The following CLDN22 variants were observed in gnomAD, a reference collection of about 807,000 sequenced individuals.
CLDN22 encodes claudin 22.
For synonymous variants in CLDN22, 86 were observed against 107.9 expected (o/e 0.80, Z 1.26); for missense variants, 227 against 252.2 (o/e 0.90, Z 0.68).
At position 183,319,462 on chromosome 4, in the gene CLDN22, T is replaced by C. The variant is rs1739558328; in HGVS notation, c.*94A>G. ...ACAGGAAAAGATGCATTTTCAAAAA[T>C]CAAAAGCACAGTGAGATGACTAGAG... On this transcript the variant is annotated 3_prime_UTR_variant, in exon 1 of 1. Transcript: ENST00000323319. 4 of 1,309,446 alleles carry C rather than the reference T, an allele frequency of 3.1e-6. No homozygotes were observed. The highest frequency in any genetic ancestry group is 1.5e-5 in the African/African-American group (1 of 67,484). 81.1% of individuals were successfully genotyped at this position (1,309,446 alleles called of 1,614,324 possible). A position where few individuals can be genotyped will look rare whatever the true frequency, so the allele number is the denominator to read the frequency against.
rs1411658146 is a variant in CLDN22 at position 183,318,146 on chromosome 4, A to G, written c.*1410T>C. 1 of 152,484 alleles carries G rather than the reference A, an allele frequency of 6.6e-6. No individual in the cohort carries two copies. The highest frequency in any genetic ancestry group is 2.4e-5 in the African/African-American group (1 of 41,436). The allele number at this position is 152,484 out of a possible 1,614,324, so 9.4% of individuals were successfully genotyped here. The stretch of plus-strand genomic sequence containing the variant: ...ATTCGCACAGGGTAAAAAGAATGTA[A>G]TATTTAGTTCTCAAGTTTGAATTAT... On this transcript the variant is annotated 3_prime_UTR_variant, in exon 1 of 1. Coordinates refer to ENST00000323319, the MANE Select transcript of CLDN22 (RefSeq NM_001111319.3).
chr4:183,320,005 C>T lies in CLDN22; in HGVS notation c.214G>A (p.Ala72Thr). 2 of 1,613,910 alleles carry T rather than the reference C, an allele frequency of 1.2e-6. No individual in the cohort carries two copies. The highest frequency in any genetic ancestry group is 1.7e-6 in the Non-Finnish European group (2 of 1,179,854). The change falls in exon 1 of 1, where the codon GCT (alanine) becomes ACT (threonine). Residue 72 changes from alanine (A) to threonine (T), a missense_variant. Physicochemically the swap from Ala to Thr is moderately conservative, Grantham distance 58. Transcript: ENST00000323319. ...MQCKDFDSFL[A>T]LPAELRVSRI... ...GAGACCCTGAGTTCAGCAGGCAAAG[C>T]CAGGAAGGAGTCAAAGTCCTTGCAT...
Position 183,319,682 on chromosome 4 carries a change from T to C in CLDN22, c.537A>G (p.Gly179=), listed in dbSNP as rs1166061034. ...GWFAGLSLLL[G]GCLLHCAACS... is the part of the protein sequence containing the mutation. ...AGGCTGCACAGTGGAGCAGACACCC[T>C]CCTAGCAGAAGAGAAAGTCCAGCAA... The change falls in exon 1 of 1, where the codon GGA becomes GGG. Residue 179 remains glycine (G), a synonymous_variant. Coordinates refer to ENST00000323319, the MANE Select transcript of CLDN22 (RefSeq NM_001111319.3). 4 of 1,614,038 alleles carry C rather than the reference T, an allele frequency of 2.5e-6. No homozygotes were observed. The highest frequency in any genetic ancestry group is 1.7e-6 in the Non-Finnish European group (2 of 1,180,004).
chr4:183,318,312 A>G lies in CLDN22; in HGVS notation c.*1244T>C, dbSNP rs940323013. 6.6e-6 allele frequency: 1 copy of G among 152,602 alleles called. No homozygotes were observed. Among genetic ancestry groups the G allele is most frequent in the African/African-American group, 2.4e-5 (1 of 41,446 alleles). The allele number at this position is 152,602 out of a possible 1,614,324, so 9.5% of individuals were successfully genotyped here. ...AATTAAAATTTTTTGCTATTGCTTTATCTATATTGTCTTAAATATCAAAAG... is the reference window on the plus strand; with the variant it reads ...AATTAAAATTTTTTGCTATTGCTTTGTCTATATTGTCTTAAATATCAAAAG... On this transcript the variant is annotated 3_prime_UTR_variant, in exon 1 of 1. Transcript: ENST00000323319.
chr4:183,319,378 T>C lies in CLDN22; in HGVS notation c.*178A>G. 1 of 690,504 alleles carries C rather than the reference T, an allele frequency of 1.4e-6. No homozygotes were observed. The highest frequency in any genetic ancestry group is 2.4e-6 in the Non-Finnish European group (1 of 413,764). 42.8% of individuals were successfully genotyped at this position (690,504 alleles called of 1,614,324 possible). A position where few individuals can be genotyped will look rare whatever the true frequency, so the allele number is the denominator to read the frequency against. The stretch of plus-strand genomic sequence containing the variant: ...TATTCAGTCTTGATTGATTTTGGTC[T>C]CAGACTAGAAGATAAAAATGGTTTA... On this transcript the variant is annotated 3_prime_UTR_variant, in exon 1 of 1. Transcript: ENST00000323319.
In CLDN22 at chr4:183,319,771, C is replaced by T; in HGVS notation, c.448G>A (p.Asp150Asn). ...VAHKTVQEFW[D>N]ENVPDFVPRW... ...GGGACAAAGTCTGGGACGTTCTCAT[C>T]CCAGAACTCCTGAACCGTCTTGTGG... Residue 150 changes from aspartate (D) to asparagine (N), a missense_variant, in exon 1 of 1, where the codon GAT becomes AAT. Coordinates refer to ENST00000323319, the MANE Select transcript of CLDN22 (RefSeq NM_001111319.3). 1 of 1,614,056 alleles carries T rather than the reference C, an allele frequency of 6.2e-7. No homozygotes were observed. Among genetic ancestry groups the T allele is most frequent in the Non-Finnish European group, 8.5e-7 (1 of 1,179,960 alleles).
rs1331815758 is a variant in CLDN22 at position 183,318,290 on chromosome 4, T to C, written c.*1266A>G. 1 of 152,628 alleles carries C rather than the reference T, an allele frequency of 6.6e-6. No homozygotes were observed. The highest frequency in any genetic ancestry group is 1.5e-5 in the Non-Finnish European group (1 of 68,028). The allele number at this position is 152,628 out of a possible 1,614,324, so 9.5% of individuals were successfully genotyped here. A position where few individuals can be genotyped will look rare whatever the true frequency, so the allele number is the denominator to read the frequency against. On this transcript the variant is annotated 3_prime_UTR_variant, in exon 1 of 1. Coordinates refer to ENST00000323319, the MANE Select transcript of CLDN22 (RefSeq NM_001111319.3). Reference sequence around the variant, plus strand: ...TCTGTAGCATGCAAATCAAATAAATTAAAATTTTTTGCTATTGCTTTATCT... The same window carrying C: ...TCTGTAGCATGCAAATCAAATAAATCAAAATTTTTTGCTATTGCTTTATCT...
chr4:183,319,507 C>T lies in CLDN22; in HGVS notation c.*49G>A, dbSNP rs371516258. On this transcript the variant is annotated 3_prime_UTR_variant, in exon 1 of 1. Coordinates refer to ENST00000323319, the MANE Select transcript of CLDN22 (RefSeq NM_001111319.3). Reference sequence around the variant, plus strand: ...CTAGAGCGGGACATCCTACCAAATCCAGTGTTGAGCAAGCGTCTCCTGAAC... The same window carrying T: ...CTAGAGCGGGACATCCTACCAAATCTAGTGTTGAGCAAGCGTCTCCTGAAC... The T allele has an allele frequency of 2.6e-6, 4 of 1,521,176 alleles. No individual in the cohort carries two copies. The highest frequency in any genetic ancestry group is 3.5e-6 in the Non-Finnish European group (4 of 1,130,742). 94.2% of individuals were successfully genotyped at this position (1,521,176 alleles called of 1,614,324 possible).
rs1553982726 is a variant in CLDN22, at chr4:183,318,487, G to GA, written c.*1068_*1069insT. 3 of 149,842 alleles carry GA rather than the reference G, an allele frequency of 2.0e-5. No individual in the cohort carries two copies. The highest frequency in any genetic ancestry group is 7.4e-5 in the African/African-American group (3 of 40,636). 9.3% of individuals were successfully genotyped at this position (149,842 alleles called of 1,614,324 possible). A position where few individuals can be genotyped will look rare whatever the true frequency, so the allele number is the denominator to read the frequency against. On this transcript the variant is annotated 3_prime_UTR_variant, in exon 1 of 1. Transcript: ENST00000323319. ...TTTGTGGGTGGAAAAAAATTCAGTG[G>GA]TTTTTTTTAAAAAAAAAAGCAAAAA...
In CLDN22 at chr4:183,319,469, C is replaced by T; in HGVS notation, c.*87G>A. On this transcript the variant is annotated 3_prime_UTR_variant, in exon 1 of 1. Coordinates refer to ENST00000323319, the MANE Select transcript of CLDN22 (RefSeq NM_001111319.3). ...AAGATGCATTTTCAAAAATCAAAAGCACAGTGAGATGACTAGAGCGGGACA... is the reference window on the plus strand; with the variant it reads ...AAGATGCATTTTCAAAAATCAAAAGTACAGTGAGATGACTAGAGCGGGACA... The T allele has an allele frequency of 7.5e-7, 1 of 1,337,414 alleles. No individual in the cohort carries two copies. Among genetic ancestry groups the T allele is most frequent in the Non-Finnish European group, 1.0e-6 (1 of 974,102 alleles). 82.8% of individuals were successfully genotyped at this position (1,337,414 alleles called of 1,614,324 possible).
rs1378870991 is a variant in CLDN22 at position 183,318,822 on chromosome 4, T to C, written c.*734A>G. 2 of 152,232 alleles carry C rather than the reference T, an allele frequency of 1.3e-5. No individual in the cohort carries two copies. The highest frequency in any genetic ancestry group is 1.5e-5 in the Non-Finnish European group (1 of 68,068). The allele number at this position is 152,232 out of a possible 1,614,324, so 9.4% of individuals were successfully genotyped here. On this transcript the variant is annotated 3_prime_UTR_variant, in exon 1 of 1. Transcript: ENST00000323319. ...GAGAGGCAGCCGTCCCAGGAGGTTATCTACCCACACACCCCAGTCCTGCCC... is the reference window on the plus strand; with the variant it reads ...GAGAGGCAGCCGTCCCAGGAGGTTACCTACCCACACACCCCAGTCCTGCCC...
Position 183,319,546 on chromosome 4 carries a change from C to T in CLDN22, c.*10G>A, listed in dbSNP as rs1353221561. The T allele has an allele frequency of 1.2e-6, 2 of 1,601,300 alleles. No homozygotes were observed. The highest frequency in any genetic ancestry group is 3.4e-5 in the Admixed American group (2 of 58,600). On this transcript the variant is annotated 3_prime_UTR_variant, in exon 1 of 1. Transcript: ENST00000323319. ...CGTCTCCTGAACAGCAGACGCTTGT[C>T]CTTTCTGGCTTAGTGTTTCAGGTTG...
Position 183,319,237 on chromosome 4 carries a change from G to A in CLDN22, c.*319C>T, listed in dbSNP as rs566734721. ...AGTAAATGATTTGCCAAATGATTCC[G>A]CTCCATATGAATAATACCTTCAAAG... On this transcript the variant is annotated 3_prime_UTR_variant, in exon 1 of 1. Coordinates refer to ENST00000323319, the MANE Select transcript of CLDN22 (RefSeq NM_001111319.3). 1.4e-5 allele frequency: 3 copies of A among 212,910 alleles called. No homozygotes were observed. The highest frequency in any genetic ancestry group is 2.8e-5 in the Non-Finnish European group (3 of 106,472). The allele number at this position is 212,910 out of a possible 1,614,324, so 13.2% of individuals were successfully genotyped here.
At position 183,320,206 on chromosome 4, in the gene CLDN22, A is replaced by G. The variant is rs1221419096; in HGVS notation, c.13T>C (p.Phe5Leu). The change falls in exon 1 of 1, where the codon TTT becomes CTT. Residue 5 changes from phenylalanine (F) to leucine (L), a missense_variant. By Grantham distance (22) the Phe-to-Leu change is conservative. Coordinates refer to ENST00000323319, the MANE Select transcript of CLDN22 (RefSeq NM_001111319.3). The part of the protein sequence containing the change: MALV[F>L]RTVAQLAGVS... ...CCAGCTAGTTGAGCTACAGTTCTAA[A>G]TACTAAAGCCATTATAATGTCCTGA... 3.7e-6 allele frequency: 6 copies of G among 1,613,456 alleles called. No individual in the cohort carries two copies. The highest frequency in any genetic ancestry group is 2.2e-5 in the East Asian group (1 of 44,888).
At position 183,319,780 on chromosome 4, in the gene CLDN22, C is replaced by T. The variant is rs549983643; in HGVS notation, c.439G>A (p.Glu147Lys). 6.2e-7 allele frequency: 1 copy of T among 1,614,050 alleles called. No individual in the cohort carries two copies. The highest frequency in any genetic ancestry group is 8.5e-7 in the Non-Finnish European group (1 of 1,179,960). Residue 147 changes from glutamate (E) to lysine (K), a missense_variant, in exon 1 of 1, where the codon GAG (glutamate) becomes AAG (lysine). By Grantham distance (56) the Glu-to-Lys change is moderately conservative (BLOSUM62 1). Coordinates refer to ENST00000323319, the MANE Select transcript of CLDN22 (RefSeq NM_001111319.3). ...TCTGGGACGTTCTCATCCCAGAACT[C>T]CTGAACCGTCTTGTGGGCAACCCAA... ...VSWVAHKTVQ[E>K]FWDENVPDFV...
In CLDN22 at chr4:183,319,412, G is replaced by A. The variant is rs770878452; in HGVS notation, c.*144C>T. On this transcript the variant is annotated 3_prime_UTR_variant, in exon 1 of 1. Coordinates refer to ENST00000323319, the MANE Select transcript of CLDN22 (RefSeq NM_001111319.3). ...AAGATAAAAATGGTTTACCAGTCTT[G>A]GAAAGAAACTATAGTTTAATAGCCA... 2 of 919,404 alleles carry A rather than the reference G, an allele frequency of 2.2e-6. No homozygotes were observed. The highest frequency in any genetic ancestry group is 2.5e-5 in the Admixed American group (1 of 40,754). 57.0% of individuals were successfully genotyped at this position (919,404 alleles called of 1,614,324 possible). A position where few individuals can be genotyped will look rare whatever the true frequency, so the allele number is the denominator to read the frequency against.
Position 183,318,914 on chromosome 4 carries a change from A to G in CLDN22, c.*642T>C, listed in dbSNP as rs1356169268. 1.3e-5 allele frequency: 2 copies of G among 152,394 alleles called. No individual in the cohort carries two copies. The highest frequency in any genetic ancestry group is 4.8e-5 in the African/African-American group (2 of 41,452). The allele number at this position is 152,394 out of a possible 1,614,324, so 9.4% of individuals were successfully genotyped here. ...AAACGCTGCCCGTGAAATACAGAAC[A>G]CAGGATGCAGAAGCACGTTTGTGTG... On this transcript the variant is annotated 3_prime_UTR_variant, in exon 1 of 1. Transcript: ENST00000323319.
Position 183,319,490 on chromosome 4 carries a change from G to T in CLDN22, c.*66C>A. The T allele has an allele frequency of 6.9e-7, 1 of 1,454,078 alleles. No individual in the cohort carries two copies. The highest frequency in any genetic ancestry group is 9.3e-7 in the Non-Finnish European group (1 of 1,074,574). The allele number at this position is 1,454,078 out of a possible 1,614,324, so 90.1% of individuals were successfully genotyped here. On this transcript the variant is annotated 3_prime_UTR_variant, in exon 1 of 1. Transcript: ENST00000323319. ...AAAGCACAGTGAGATGACTAGAGCG[G>T]GACATCCTACCAAATCCAGTGTTGA...
Position 183,319,566 on chromosome 4 carries a change from A to G in CLDN22, c.653T>C (p.Leu218Pro). 6.2e-7 allele frequency: 1 copy of G among 1,610,518 alleles called. No individual in the cohort carries two copies. Among genetic ancestry groups the G allele is most frequent in the Non-Finnish European group, 8.5e-7 (1 of 1,178,298 alleles). Residue 218 changes from leucine (L) to proline (P), a missense_variant, in exon 1 of 1, where the codon CTG (leucine) becomes CCG (proline). Transcript: ENST00000323319. ...CTTGTCCTTTCTGGCTTAGTGTTTC[A>G]GGTTGGTGTTTCTCGTCTCCAGTTC... Reference protein sequence around the residue: ...HQELETRNTNLKH With the variant: ...HQELETRNTNPKH
Sources: allele counts gnomAD v4.1 joint callset, GRCh38; gene constraint gnomAD v4.1.1; transcripts MANE v1.5; gene names NCBI Gene and HGNC (gene_info 2026-07-23, HGNC 2026-07-21).